The following CACNA1B variants were observed in gnomAD, a reference collection of about 807,000 sequenced individuals.
CACNA1B encodes calcium voltage-gated channel subunit alpha1 B, also known as voltage-dependent N-type calcium channel subunit alpha-1B.
A neutral mutation model predicts 247.2 loss-of-function variants in CACNA1B; 70 were observed. That is an observed-to-expected ratio of 0.28 (90% CI 0.23 to 0.35). The LOEUF (loss-of-function observed/expected upper bound fraction) is 0.35. Among genes scored for constraint, CACNA1B ranks in the 10% least tolerant of loss-of-function variants. The probability of loss-of-function intolerance (pLI) is 1.00; values close to 1 mark genes in which losing one functional copy is unlikely to be tolerated. For synonymous variants in CACNA1B, 1,231 were observed against 1,294.4 expected (o/e 0.95, Z 1.05); for missense variants, 2,367 against 3,197.4 (o/e 0.74, Z 6.26).
rs944533083 is a variant in CACNA1B at position 137,881,799 on chromosome 9, C to A, written c.391-945C>A. On this transcript the variant is annotated intron_variant, in intron 2 of 46. Coordinates refer to ENST00000371372, the MANE Select transcript of CACNA1B (RefSeq NM_000718.4). The surrounding 1 kb of genome is among the most constrained non-coding windows in gnomAD (Gnocchi z 4.3). Reference sequence around the variant, plus strand: ...GGCACTGGTAGGGCCTGGCTCTGCTCTCTCATGTCCAGTAACTGTTGGCTG... The same window carrying A: ...GGCACTGGTAGGGCCTGGCTCTGCTATCTCATGTCCAGTAACTGTTGGCTG... 2.0e-5 allele frequency among the ~76,000 whole-genome samples: 3 copies of A among 152,244 alleles called. No individual in the cohort carries two copies. The South Asian group carries it at 6.2e-4, about 31-fold the overall frequency.
chr9:137,880,640 T>G lies in CACNA1B; in HGVS notation c.390+1481T>G, dbSNP rs1323535412. ...GGTCATAGGTTGGGGAGGACACTTC[T>G]AGGAGTGGCGAGCTAACCTGTTGGG... On this transcript the variant is annotated intron_variant, in intron 2 of 46. Transcript: ENST00000371372. This position sits in a 1 kb window ranked among gnomAD's most constrained non-coding sequence, Gnocchi z 4.8. Among the ~76,000 whole-genome samples, 1 of 152,182 alleles carries G rather than the reference T, an allele frequency of 6.6e-6. No homozygotes were observed. The highest frequency in any genetic ancestry group is 1.5e-5 in the Non-Finnish European group (1 of 68,006).
intron 20 of CACNA1B, among the ~76,000 whole-genome samples, chr9:138,029,795 A>T (rs905497786): frequency 7.9e-5 from 12 of 151,704 alleles, no homozygotes; most frequent in Admixed American, 4.6e-4. Context: ...TTGTATTTTT[A>T]ATAGAGATGG....
At chr9:137,886,538 T>C (rs1359545121) in intron 3 of CACNA1B, among the ~76,000 whole-genome samples, 2 of 150,964 alleles carry the variant, frequency 1.3e-5, no homozygotes, top group South Asian at 2.1e-4. Context: ...CTCTGCCAGG[T>C]GCTGAGGACT....
chr9:138,003,341 TAAAA>T (rs761370817), intron 15 of CACNA1B, among the ~76,000 whole-genome samples: 3 of 151,068 alleles, frequency 2.0e-5, no homozygotes, highest in Non-Finnish European at 4.4e-5. Flanking sequence ...CCTAGCTCAT[TAAAA>T]AAATTTTTTT....
In CACNA1B at chr9:137,897,338, G is replaced by A. The variant is rs1025850686; in HGVS notation, c.530+14455G>A. 3.3e-5 allele frequency among the ~76,000 whole-genome samples: 5 copies of A among 152,218 alleles called. No individual in the cohort carries two copies. In the South Asian group the frequency reaches 1.0e-3, roughly 32 times the overall value. On this transcript the variant is annotated intron_variant, in intron 3 of 46. Coordinates refer to ENST00000371372, the MANE Select transcript of CACNA1B (RefSeq NM_000718.4). ...CTCATGGTTGTAATCCCAGCACTTT[G>A]GGAGGCCAAGGCAGGTGGATCACCT...
In CACNA1B at chr9:138,012,369, C is replaced by A. The variant is rs1357622743; in HGVS notation, c.2161-760C>A. Among the ~76,000 whole-genome samples the A allele has an allele frequency of 2.0e-5, 3 of 152,104 alleles. No homozygotes were observed. Among genetic ancestry groups the A allele is most frequent in the Non-Finnish European group, 2.9e-5 (2 of 68,018 alleles). On this transcript the variant is annotated intron_variant, in intron 17 of 46. Transcript: ENST00000371372. This position sits in a 1 kb window ranked among gnomAD's most constrained non-coding sequence, Gnocchi z 4.2. Reference sequence around the variant, plus strand: ...TGCTCTTGGCTTTGTTAAAGTGTGACAGATGCTCCTGGGGGGACAGGTGGG... The same window carrying A: ...TGCTCTTGGCTTTGTTAAAGTGTGAAAGATGCTCCTGGGGGGACAGGTGGG...
At chr9:138,098,123 G>A (rs1356423099) in intron 37 of CACNA1B, among the ~76,000 whole-genome samples, 1 of 152,028 alleles carries the variant, frequency 6.6e-6, no homozygotes, top group Non-Finnish European at 1.5e-5. Flanking sequence ...CAAAACAGAC[G>A]TAGAGATTGT....
At chr9:138,113,546 G>A (rs1961739095) in intron 40 of CACNA1B, among the ~76,000 whole-genome samples, 1 of 145,854 alleles carries the variant, frequency 6.9e-6, no homozygotes, top group African/African-American at 2.6e-5. Context: ...TGGGAGACGT[G>A]AGGGAGCGCA....
intron 18 of CACNA1B, among the ~76,000 whole-genome samples, chr9:138,017,695 G>T (rs1020152520): frequency 6.6e-6 from 1 of 152,222 alleles, no homozygotes; most frequent in African/African-American, 2.4e-5. Context: ...GCAGAGAGCT[G>T]TTGTCCACTT....
At chr9:138,063,130 G>A (rs1959792684) in intron 31 of CACNA1B, among the ~76,000 whole-genome samples, 1 of 152,210 alleles carries the variant, frequency 6.6e-6, no homozygotes, top group African/African-American at 2.4e-5. Flanking sequence ...GACCAGTGTG[G>A]TGTTCTGAAG....
intron 23 of CACNA1B, among the ~76,000 whole-genome samples, chr9:138,048,173 G>A (rs940813622): frequency 6.6e-6 from 1 of 152,210 alleles, no homozygotes; most frequent in African/African-American, 2.4e-5. Context: ...TCTGTGGGGT[G>A]TGTGTCATCA....
In CACNA1B at chr9:138,121,476, G is replaced by T; in HGVS notation, c.6497G>T (p.Gly2166Val). 1 of 1,512,776 alleles carries T rather than the reference G, an allele frequency of 6.6e-7. No homozygotes were observed. The allele number at this position is 1,512,776 out of a possible 1,614,324, so 93.7% of individuals were successfully genotyped here. The change falls in exon 47 of 47, where the codon GGT becomes GTT. Residue 2166 changes from glycine to valine, a missense_variant. By Grantham distance (109) the Gly-to-Val change is moderately radical. Coordinates refer to ENST00000371372, the MANE Select transcript of CACNA1B (RefSeq NM_000718.4). This position sits in a 1 kb window ranked among gnomAD's most constrained non-coding sequence, Gnocchi z 6.8. ...QEPGPHPQGS[G>V]SVNGSPLLST... is the part of the protein sequence containing the mutation. ...TGGTCCATTTTCATGTAGGGCAGTG[G>T]TTCCGTGAATGGGAGCCCCTTGCTG...
Position 137,956,814 on chromosome 9 carries a change from G to T in CACNA1B, c.1230G>T (p.Lys410Asn). The T allele has an allele frequency of 6.2e-7, 1 of 1,613,750 alleles. No homozygotes were observed. The highest frequency in any genetic ancestry group is 8.5e-7 in the Non-Finnish European group (1 of 1,179,696). Residue 410 changes from lysine to asparagine, a missense_variant, in exon 9 of 47, where the codon AAG becomes AAT. This residue lies in a region of CACNA1B where 219 missense variants were observed against 297.6 expected (regional missense o/e 0.74). Transcript: ENST00000371372. Reference protein sequence around the residue: ...LAEEDRNAEEKSPLDVLKRAA... With the variant: ...LAEEDRNAEENSPLDVLKRAA... ...AGGAGGACAGGAATGCAGAGGAGAA[G>T]TCCCCTTTGGACGGTAGGTGGCACT...
intron 18 of CACNA1B, among the ~76,000 whole-genome samples, chr9:138,016,783 T>C (rs1213572084): frequency 2.0e-5 from 3 of 152,172 alleles, no homozygotes; most frequent in African/African-American, 7.2e-5. Flanking sequence ...TGCAGGGGGC[T>C]GTTTGGAACT....
At chr9:138,099,370 C>G (rs1361621883) in intron 37 of CACNA1B, among the ~76,000 whole-genome samples, 2 of 152,090 alleles carry the variant, frequency 1.3e-5, no homozygotes, top group African/African-American at 2.4e-5. Flanking sequence ...TGCAAGTGAA[C>G]TGAATGTGCG....
chr9:137,934,137 T>C (rs1038312565), intron 6 of CACNA1B, among the ~76,000 whole-genome samples: 2 of 152,242 alleles, frequency 1.3e-5, no homozygotes, highest in East Asian at 1.9e-4. Flanking sequence ...AGGCATTTAC[T>C]TATTTTTCGG....
At chr9:138,093,733 C>A (rs1431720215) in intron 36 of CACNA1B, among the ~76,000 whole-genome samples, 3 of 151,312 alleles carry the variant, frequency 2.0e-5, no homozygotes, top group Admixed American at 1.3e-4. Context: ...GAGCAAGACT[C>A]CATCTCAAAA....
intron 3 of CACNA1B, among the ~76,000 whole-genome samples, chr9:137,902,273 A>AG (rs1317993641): frequency 2.0e-5 from 3 of 152,160 alleles, no homozygotes; most frequent in African/African-American, 7.2e-5. Flanking sequence ...GGAGCTAAGA[A>AG]GGAAAACACT....
rs74526751 is a variant in CACNA1B, at chr9:137,949,938, A to G, written c.967-2336A>G. Among the ~76,000 whole-genome samples, 54 of 152,280 alleles carry G rather than the reference A, an allele frequency of 3.5e-4. No homozygotes were observed. The East Asian group carries it at 0.01, about 28-fold the overall frequency. ...TTGACACAACATTAACCATCACAGC[A>G]TCTAAGAAATTGGTGCTCTTCTTGG... is the stretch of plus-strand genomic sequence containing the variant. On this transcript the variant is annotated intron_variant, in intron 6 of 46. Coordinates refer to ENST00000371372, the MANE Select transcript of CACNA1B (RefSeq NM_000718.4).
Sources: allele counts gnomAD v4.1 joint callset (sites outside exome capture counted in the v4.1 genomes callset), GRCh38; gene constraint gnomAD v4.1.1; regional missense constraint gnomAD v4.1.1; non-coding constraint Gnocchi (gnomAD v3.1); transcripts MANE v1.5; gene names NCBI Gene and HGNC (gene_info 2026-07-23, HGNC 2026-07-21).